RPS6KC1: variants seen among roughly 807,000 people sequenced by gnomAD.
RPS6KC1 encodes inactive ribosomal protein S6 kinase delta-1.
In RPS6KC1, 54 loss-of-function variants were observed where a neutral mutation model predicts 103.8. The observed-to-expected ratio is 0.52, with a 90% CI of 0.42 to 0.65. The LOEUF is 0.65. RPS6KC1 is among the 30% of genes least tolerant of loss of function. The pLI is 0.00. For missense variants in RPS6KC1, 1,151 were observed against 1,253.8 expected (o/e 0.92, Z 1.24); for synonymous variants, 439 against 438.7 (o/e 1.00, Z -0.01).
At chr1:213,286,737 CA>C in the RPS6KC1 span, among the ~76,000 whole-genome samples, 1 of 152,190 alleles carries the variant, frequency 6.6e-6, no homozygotes, top group Non-Finnish European at 1.5e-5. Flanking sequence ...TGGATGGATA[CA>C]GGCATTAAGC....
chr1:213,344,230 G>T, the RPS6KC1 span, among the ~76,000 whole-genome samples: 1 of 152,044 alleles, frequency 6.6e-6, no homozygotes, highest in African/African-American at 2.4e-5. Flanking sequence ...ATCAGTACAA[G>T]TTAGAAAAAG....
chr1:213,256,656 G>C (rs1573640869), intron 12 of RPS6KC1, among the ~76,000 whole-genome samples: 2 of 152,156 alleles, frequency 1.3e-5, no homozygotes, highest in African/African-American at 2.4e-5. Context: ...GGATTCTTAG[G>C]TCTCTTGCTG....
At chr1:213,382,319 C>A in the RPS6KC1 span, among the ~76,000 whole-genome samples, 1 of 152,170 alleles carries the variant, frequency 6.6e-6, no homozygotes, top group African/African-American at 2.4e-5. Context: ...GCATCTGTCT[C>A]CGAAGCCTCC....
the RPS6KC1 span, among the ~76,000 whole-genome samples, chr1:213,516,643 G>T: frequency 7.9e-5 from 12 of 152,244 alleles, no homozygotes; most frequent in Admixed American, 2.0e-4. Flanking sequence ...AGTATTTTAT[G>T]GAGGATTTTG....
chr1:213,652,348 C>T, the RPS6KC1 span, among the ~76,000 whole-genome samples: 6 of 152,100 alleles, frequency 3.9e-5, no homozygotes, highest in Admixed American at 6.5e-5. Flanking sequence ...CTGAGGCACA[C>T]GGAAGTAAAG....
the RPS6KC1 span, among the ~76,000 whole-genome samples, chr1:213,688,779 C>G: frequency 6.6e-6 from 1 of 152,186 alleles, no homozygotes; most frequent in Admixed American, 6.5e-5. Flanking sequence ...GTTTTCTTGG[C>G]AGCTTCTTGC....
chr1:213,415,090 A>T, the RPS6KC1 span, among the ~76,000 whole-genome samples: 1 of 152,264 alleles, frequency 6.6e-6, no homozygotes. Context: ...TGATCAATTA[A>T]CTCATTATTA....
At chr1:213,523,733 G>T in the RPS6KC1 span, among the ~76,000 whole-genome samples, 1 of 152,230 alleles carries the variant, frequency 6.6e-6, no homozygotes, top group African/African-American at 2.4e-5. Flanking sequence ...AATTCAAACT[G>T]CTGTAAGTGG....
chr1:213,512,237 G>A, the RPS6KC1 span, among the ~76,000 whole-genome samples: 1 of 152,144 alleles, frequency 6.6e-6, no homozygotes, highest in Admixed American at 6.5e-5. Flanking sequence ...AATAATTTAT[G>A]GTTTGCAAAT....
At chr1:213,072,317 A>G (rs746545510) in intron 2 of RPS6KC1, among the ~76,000 whole-genome samples, 74 of 152,258 alleles carry the variant, frequency 4.9e-4, no homozygotes, top group Non-Finnish European at 9.0e-4. Flanking sequence ...TTTAAATTTT[A>G]TACATTATCA....
the RPS6KC1 span, among the ~76,000 whole-genome samples, chr1:213,809,770 A>G: frequency 6.6e-6 from 1 of 152,224 alleles, no homozygotes; most frequent in Non-Finnish European, 1.5e-5. Flanking sequence ...ATCAGAGATC[A>G]TGGTACAGTA....
At chr1:213,707,396 G>T in the RPS6KC1 span, among the ~76,000 whole-genome samples, 1 of 150,756 alleles carries the variant, frequency 6.6e-6, no homozygotes, top group Non-Finnish European at 1.5e-5. Flanking sequence ...TGATGGGGTT[G>T]TTTTTTTTTC....
chr1:213,290,144 C>CAAAAAAAAAA, the RPS6KC1 span, among the ~76,000 whole-genome samples: 5 of 70,082 alleles, frequency 7.1e-5, no homozygotes, highest in Non-Finnish European at 1.3e-4. Flanking sequence ...GACTCCGTCT[C>CAAAAAAAAAA]AAAAAAAAAA....
At chr1:213,826,121 T>C in the RPS6KC1 span, among the ~76,000 whole-genome samples, 1 of 152,226 alleles carries the variant, frequency 6.6e-6, no homozygotes, top group African/African-American at 2.4e-5. Context: ...AGAAAACTAA[T>C]GTTATATTGT....
chr1:213,807,702 A>G, the RPS6KC1 span, among the ~76,000 whole-genome samples: 3 of 147,106 alleles, frequency 2.0e-5, no homozygotes, highest in African/African-American at 7.7e-5. Context: ...TCAAAGTTTT[A>G]ACTTCTTTGC....
chr1:213,554,799 G>A, the RPS6KC1 span, among the ~76,000 whole-genome samples: 9 of 151,992 alleles, frequency 5.9e-5, no homozygotes, highest in African/African-American at 1.9e-4. Context: ...CTTTGCTCTG[G>A]TCTCTCCTTT....
the RPS6KC1 span, among the ~76,000 whole-genome samples, chr1:213,284,361 A>C: frequency 1.3e-4 from 20 of 152,068 alleles, no homozygotes; most frequent in Non-Finnish European, 2.2e-4. Flanking sequence ...ACTAAAGTAC[A>C]AAAAAACCGA....
chr1:213,674,362 C>A, the RPS6KC1 span, among the ~76,000 whole-genome samples: 66 of 152,300 alleles, frequency 4.3e-4, no homozygotes, highest in Non-Finnish European at 4.6e-4. Flanking sequence ...TTAGCTCCCA[C>A]TTTTAAGTGA....
intron 4 of RPS6KC1, among the ~76,000 whole-genome samples, chr1:213,107,066 T>C (rs759444638): frequency 6.2e-4 from 95 of 152,018 alleles, no homozygotes; most frequent in Admixed American, 1.0e-3. Flanking sequence ...CTCGGCCTCC[T>C]GAGTAGTTGG....
Sources: allele counts gnomAD v4.1 joint callset (sites outside exome capture counted in the v4.1 genomes callset), GRCh38; gene constraint gnomAD v4.1.1; transcripts MANE v1.5; gene names NCBI Gene and HGNC (gene_info 2026-07-23, HGNC 2026-07-21).